The following IGF2BP2 variants were observed in gnomAD, a reference collection of about 807,000 sequenced individuals.
IGF2BP2 encodes insulin like growth factor 2 mRNA binding protein 2.
Under a neutral mutation model 75.8 loss-of-function variants are expected in IGF2BP2, and 17 were observed. The ratio of observed to expected loss-of-function variants is 0.22; its 90% CI spans 0.15 to 0.34. The LOEUF (loss-of-function observed/expected upper bound fraction) is 0.34. Ranked by LOEUF, IGF2BP2 falls within the 10% of genes least tolerant of loss-of-function variation. IGF2BP2 has a pLI of 1.00. For synonymous variants in IGF2BP2, 288 were observed against 295.6 expected (o/e 0.97, Z 0.26); for missense variants, 516 against 772.4 (o/e 0.67, Z 3.93).
chr3:185,658,291 C>T (rs760250561), intron 11 of IGF2BP2, 50 bp downstream of exon 11: 3 of 1,547,866 alleles, frequency 1.9e-6, no homozygotes, highest in Middle Eastern at 1.8e-4. Flanking sequence ...GCCAAGTGGG[C>T]CTAGCCCCAG....
intron 10 of IGF2BP2, among the ~76,000 whole-genome samples, chr3:185,665,697 C>T (rs529268931): frequency 3.3e-5 from 5 of 152,174 alleles, no homozygotes; most frequent in South Asian, 2.1e-4. Context: ...CTGGGCACGG[C>T]GGCTCACACC....
chr3:185,656,624 G>A (rs568723023), intron 12 of IGF2BP2, among the ~76,000 whole-genome samples: 28 of 152,298 alleles, frequency 1.8e-4, no homozygotes, highest in African/African-American at 6.5e-4. Flanking sequence ...CATTCTGCCC[G>A]TGAGTCAGAG....
intron 14 of IGF2BP2, among the ~76,000 whole-genome samples, chr3:185,649,195 T>C (rs1035536828): frequency 6.6e-6 from 1 of 151,882 alleles, no homozygotes; most frequent in Non-Finnish European, 1.5e-5. Context: ...TTGGGGGCCC[T>C]AAGTTGTGGA....
intron 2 of IGF2BP2, among the ~76,000 whole-genome samples, chr3:185,744,415 T>A (rs938583641): frequency 6.6e-6 from 1 of 152,232 alleles, no homozygotes; most frequent in African/African-American, 2.4e-5. Flanking sequence ...GTATAAATGT[T>A]CATTGTAGGA....
intron 2 of IGF2BP2, among the ~76,000 whole-genome samples, chr3:185,802,341 T>C (rs1027372602): frequency 1.3e-5 from 1 of 75,560 alleles, no homozygotes; most frequent in Admixed American, 1.1e-4. Context: ...ATTACGGTAA[T>C]ACCTAAGGCT....
At chr3:185,655,014 T>C (rs1715207793) in intron 12 of IGF2BP2, among the ~76,000 whole-genome samples, 1 of 152,188 alleles carries the variant, frequency 6.6e-6, no homozygotes, top group Non-Finnish European at 1.5e-5. Context: ...ACTGGCAAAG[T>C]AGAAACTAGG....
At chr3:185,713,381 A>C (rs1326418948) in intron 2 of IGF2BP2, 2 of 519,574 alleles carry the variant, frequency 3.8e-6, no homozygotes, top group Admixed American at 1.9e-5. Context: ...GGAAAACTTA[A>C]GGCATGGCAC....
chr3:185,759,571 T>C (rs1237884379), intron 2 of IGF2BP2, among the ~76,000 whole-genome samples: 6 of 152,224 alleles, frequency 3.9e-5, no homozygotes, highest in Non-Finnish European at 8.8e-5. Context: ...TCTGCCTTTC[T>C]GTTAAGAGTG....
intron 2 of IGF2BP2, among the ~76,000 whole-genome samples, chr3:185,737,649 T>C (rs1729031616): frequency 1.3e-5 from 2 of 152,374 alleles, no homozygotes; most frequent in South Asian, 4.1e-4. Context: ...CATTATTCTA[T>C]ACATTGAGTG....
chr3:185,683,718 C>A (rs9834931), intron 7 of IGF2BP2, among the ~76,000 whole-genome samples: 61,912 of 151,924 alleles, frequency 0.41, 12,918 homozygotes, highest in South Asian at 0.49. Flanking sequence ...CAAGACAGTA[C>A]ATTTTATGTT....
intron 2 of IGF2BP2, among the ~76,000 whole-genome samples, chr3:185,730,471 G>C (rs1416147247): frequency 3.4e-5 from 3 of 89,336 alleles, no homozygotes; most frequent in Non-Finnish European, 6.2e-5. Flanking sequence ...TTTGACTCTT[G>C]TTTCCCAGGC....
chr3:185,665,097 C>T (rs1416792670), intron 10 of IGF2BP2, among the ~76,000 whole-genome samples: 2 of 146,736 alleles, frequency 1.4e-5, no homozygotes, highest in Non-Finnish European at 3.0e-5. Context: ...CCCAGGAGTT[C>T]GAGATGGCAG....
chr3:185,716,539 C>T (rs1205659417), intron 2 of IGF2BP2: 2 of 520,154 alleles, frequency 3.8e-6, no homozygotes, highest in Admixed American at 3.9e-5. Flanking sequence ...TGTAGCCCTC[C>T]TCAGATGCCA....
intron 2 of IGF2BP2, among the ~76,000 whole-genome samples, chr3:185,776,379 G>C (rs565747259): frequency 1.3e-5 from 2 of 152,312 alleles, no homozygotes; most frequent in Non-Finnish European, 2.9e-5. Flanking sequence ...TAAAGTGACA[G>C]GTCTTAGTTG....
intron 5 of IGF2BP2, among the ~76,000 whole-genome samples, chr3:185,691,248 G>A (rs928289267): frequency 2.6e-5 from 4 of 152,090 alleles, no homozygotes; most frequent in Non-Finnish European, 2.9e-5. Context: ...ACAGGCATGC[G>A]CCACCACGCC....
chr3:185,786,546 T>A (rs1025162264), intron 2 of IGF2BP2, among the ~76,000 whole-genome samples: 1 of 152,048 alleles, frequency 6.6e-6, no homozygotes. Context: ...GACCCGCCCC[T>A]GCCCGTAAGA....
At chr3:185,808,986 C>T (rs538640920) in intron 2 of IGF2BP2, among the ~76,000 whole-genome samples, 1 of 152,290 alleles carries the variant, frequency 6.6e-6, no homozygotes, top group South Asian at 2.1e-4. Context: ...CTGGTTTTTT[C>T]ACAGTAACTT....
intron 2 of IGF2BP2, among the ~76,000 whole-genome samples, chr3:185,786,436 A>C (rs533793690): frequency 1.3e-5 from 2 of 152,306 alleles, no homozygotes; most frequent in Admixed American, 1.3e-4. Flanking sequence ...CACTGATGAC[A>C]TTCCACCACT....
intron 2 of IGF2BP2, chr3:185,722,139 G>C: frequency 3.0e-6 from 1 of 338,514 alleles, no homozygotes; most frequent in South Asian, 2.1e-5. Context: ...TCACTATGTT[G>C]CCCAGGCTGG....
Sources: gnomAD v4.1 joint callset for allele counts (sites outside exome capture counted in the v4.1 genomes callset) on GRCh38, gnomAD v4.1.1 for gene constraint, MANE v1.5 for transcripts, NCBI Gene and HGNC (gene_info 2026-07-23, HGNC 2026-07-21) for gene names.